The following CPEB4 variants were observed in gnomAD, a reference collection of about 807,000 sequenced individuals.
CPEB4 encodes cytoplasmic polyadenylation element binding protein 4.
CPEB4 carries 12 observed loss-of-function variants against 72.5 expected under a neutral mutation model. The observed-to-expected ratio is 0.17, with a 90% confidence interval of 0.11 to 0.27. The LOEUF (loss-of-function observed/expected upper bound fraction) is 0.27, where lower values mean the gene tolerates loss of function less well. CPEB4 is among the 10% of genes least tolerant of loss of function. The probability of loss-of-function intolerance (pLI) is 1.00; values close to 1 mark genes in which losing one functional copy is unlikely to be tolerated. For synonymous variants in CPEB4, 302 were observed against 326.3 expected (o/e 0.93, Z 0.80); for missense variants, 614 against 908.5 (o/e 0.68, Z 4.17).
At chr5:173,925,626 A>T (rs1307783967) in intron 2 of CPEB4, among the ~76,000 whole-genome samples, 2 of 152,220 alleles carry the variant, frequency 1.3e-5, no homozygotes, top group Non-Finnish European at 2.9e-5. Flanking sequence ...GATTTATTAC[A>T]CATTTCTTGA....
At chr5:173,907,683 T>G (rs1262383157) in intron 1 of CPEB4, among the ~76,000 whole-genome samples, 4 of 152,262 alleles carry the variant, frequency 2.6e-5, no homozygotes, top group Non-Finnish European at 4.4e-5. Context: ...TTGCATGCTT[T>G]CTACCTGCCA....
At chr5:173,896,123 A>G (rs1756000561) in intron 1 of CPEB4, among the ~76,000 whole-genome samples, 1 of 152,208 alleles carries the variant, frequency 6.6e-6, no homozygotes, top group Admixed American at 6.5e-5. Context: ...CTATTTTGCT[A>G]GGAGGAAAAT....
chr5:173,950,466 A>G lies in CPEB4; in HGVS notation c.1665+388A>G, dbSNP rs12515625. ...CTGAAAATACAAAAATTAGCCAGGC[A>G]TGGTGGCGCACATCTGTAGTCCCAG... On this transcript the variant is annotated intron_variant, in intron 7 of 9. Transcript: ENST00000265085. This position sits in a 1 kb window ranked among gnomAD's most constrained non-coding sequence, Gnocchi z 5.0. Among the ~76,000 whole-genome samples the G allele has an allele frequency of 0.64, 97,492 of 151,844 alleles. 32,268 individuals carry two copies. The highest frequency in any genetic ancestry group is 0.73 in the Non-Finnish European group (49,280 of 67,948).
intron 1 of CPEB4, among the ~76,000 whole-genome samples, chr5:173,909,789 G>A (rs56197583): frequency 0.22 from 33,742 of 151,720 alleles, 4,959 homozygotes; most frequent in Non-Finnish European, 0.31. Flanking sequence ...CTTTGAGGTC[G>A]GGAGTTCAAG....
Position 173,889,776 on chromosome 5 carries a change from G to A in CPEB4, c.43G>A (p.Gly15Arg). 6.2e-7 allele frequency: 1 copy of A among 1,613,262 alleles called. No homozygotes were observed. Among genetic ancestry groups the A allele is most frequent in the East Asian group, 2.2e-5 (1 of 44,886 alleles). ...GFGVLVQSNT[G>R]NKSAFPVRFH... ...TGGAGTGCTAGTGCAAAGCAATACTGGGAATAAATCTGCTTTTCCAGTCAG... is the reference window on the plus strand; with the variant it reads ...TGGAGTGCTAGTGCAAAGCAATACTAGGAATAAATCTGCTTTTCCAGTCAG... Residue 15 changes from glycine (G) to arginine (R), a missense_variant, in exon 1 of 10, where the codon GGG (glycine) becomes AGG (arginine). Transcript: ENST00000265085.
At position 173,890,361 on chromosome 5, in the gene CPEB4, T is replaced by A. The variant is rs1295628482; in HGVS notation, c.628T>A (p.Phe210Ile). 6.2e-7 allele frequency: 1 copy of A among 1,614,034 alleles called. No individual in the cohort carries two copies. ...ANNGALLFQN[F>I]PHHVSPGFGG... ...TAACGGTGCTCTGTTGTTTCAAAAT[T>A]TCCCCCATCATGTCAGCCCTGGCTT... is the stretch of plus-strand genomic sequence containing the variant. The change falls in exon 1 of 10, where the codon TTC becomes ATC. Residue 210 changes from phenylalanine (F) to isoleucine (I), a missense_variant. By Grantham distance (21) the Phe-to-Ile change is conservative. This residue lies in a region of CPEB4 where 458 missense variants were observed against 548.6 expected (regional missense o/e 0.83). Coordinates refer to ENST00000265085, the MANE Select transcript of CPEB4 (RefSeq NM_030627.4).
rs1400518139 is a variant in CPEB4, at chr5:173,900,037, C to T, written c.1125+9179C>T. Among the ~76,000 whole-genome samples, 1 of 151,996 alleles carries T rather than the reference C, an allele frequency of 6.6e-6. No homozygotes were observed. The highest frequency in any genetic ancestry group is 1.5e-5 in the Non-Finnish European group (1 of 68,016). ...AAATGTGGAGGCTGGGCACAAGCTGCCTTTTGAGATCACTGTCAAGGCTCA... is the reference window on the plus strand; with the variant it reads ...AAATGTGGAGGCTGGGCACAAGCTGTCTTTTGAGATCACTGTCAAGGCTCA... On this transcript the variant is annotated intron_variant, in intron 1 of 9. Transcript: ENST00000265085. The surrounding 1 kb of genome is among the most constrained non-coding windows in gnomAD (Gnocchi z 4.4).
At position 173,957,016 on chromosome 5, in the gene CPEB4, A is replaced by G. The variant is rs989371586; in HGVS notation, c.*879A>G. 6.5e-5 allele frequency: 10 copies of G among 152,686 alleles called. No homozygotes were observed. The highest frequency in any genetic ancestry group is 2.4e-4 in the African/African-American group (10 of 41,436). 9.5% of individuals were successfully genotyped at this position (152,686 alleles called of 1,614,324 possible). On this transcript the variant is annotated 3_prime_UTR_variant, in exon 10 of 10. Transcript: ENST00000265085. The stretch of plus-strand genomic sequence containing the variant: ...AATGACAACTGGTGGGAAACCTAGC[A>G]TTTCCTCTCCTGAAGAATAAATGTA...
chr5:173,953,206 A>G lies in CPEB4; in HGVS notation c.1896A>G (p.Gln632=), dbSNP rs1758268068. 3 of 1,613,660 alleles carry G rather than the reference A, an allele frequency of 1.9e-6. No individual in the cohort carries two copies. In the African/African-American group the frequency reaches 4.0e-5, roughly 22 times the overall value. Residue 632 remains glutamine, a synonymous_variant, in exon 9 of 10, where the codon CAA becomes CAG. Transcript: ENST00000265085. The stretch of plus-strand genomic sequence containing the variant: ...CTGGGAGAGTTGCGTTCTCTAATCA[A>G]CAGAGTTACATAGCTGCTATCAGTG... The part of the protein sequence containing the change: ...KGAGRVAFSN[Q]QSYIAAISAR...
At chr5:173,931,029 GT>G (rs1469993104) in intron 2 of CPEB4, among the ~76,000 whole-genome samples, 2 of 150,782 alleles carry the variant, frequency 1.3e-5, no homozygotes, top group Non-Finnish European at 3.0e-5. Flanking sequence ...AAATTATAAA[GT>G]TCAGAGTTTA....
chr5:173,908,522 A>G (rs1756526597), intron 1 of CPEB4, among the ~76,000 whole-genome samples: 1 of 152,228 alleles, frequency 6.6e-6, no homozygotes, highest in African/African-American at 2.4e-5. Flanking sequence ...CTCAAGTTGC[A>G]GTGGTATTAT....
intron 3 of CPEB4, among the ~76,000 whole-genome samples, chr5:173,938,659 G>A (rs1181491576): frequency 6.6e-6 from 1 of 152,152 alleles, no homozygotes; most frequent in East Asian, 1.9e-4. Context: ...AGGTAGATCA[G>A]CGTAACCCGA....
chr5:173,892,414 A>AT (rs974898465), intron 1 of CPEB4, among the ~76,000 whole-genome samples: 38 of 152,126 alleles, frequency 2.5e-4, no homozygotes, highest in African/African-American at 9.2e-4. Flanking sequence ...CATGAAGTCT[A>AT]TTTTTAAAAA....
chr5:173,895,911 GA>G (rs1755990358), intron 1 of CPEB4, among the ~76,000 whole-genome samples: 1 of 152,114 alleles, frequency 6.6e-6, no homozygotes, highest in South Asian at 2.1e-4. Context: ...CACCTTTCAG[GA>G]AAAACCTGTT....
Position 173,888,407 on chromosome 5 carries a change from A to AGGCGGTGGC in CPEB4, c.-1321_-1313dup, listed in dbSNP as rs911684364. The AGGCGGTGGC allele has an allele frequency of 8.9e-6, 4 of 451,712 alleles. No homozygotes were observed. The highest frequency in any genetic ancestry group is 4.1e-5 in the African/African-American group (2 of 48,740). The allele number at this position is 451,712 out of a possible 1,614,324, so 28.0% of individuals were successfully genotyped here. A position where few individuals can be genotyped will look rare whatever the true frequency, so the allele number is the denominator to read the frequency against. ...GCGGCTGCGGGACCCGGGCACCGGG[A>AGGCGGTGGC]GGCGGTGGCGGCGGCGGCGGCGGCA... On this transcript the variant is annotated 5_prime_UTR_variant, in exon 1 of 10. Transcript: ENST00000265085. This position sits in a 1 kb window ranked among gnomAD's most constrained non-coding sequence, Gnocchi z 4.3.
Position 173,959,581 on chromosome 5 carries a change from T to G in CPEB4, c.*3444T>G, listed in dbSNP as rs1758485542. ...GAAAGATCTTTGCAGTGTAATTCTT[T>G]GTTTTTAATTGCAGACATTTAAAAA... On this transcript the variant is annotated 3_prime_UTR_variant, in exon 10 of 10. Coordinates refer to ENST00000265085, the MANE Select transcript of CPEB4 (RefSeq NM_030627.4). 1 of 152,808 alleles carries G rather than the reference T, an allele frequency of 6.5e-6. No individual in the cohort carries two copies. The highest frequency in any genetic ancestry group is 1.5e-5 in the Non-Finnish European group (1 of 68,028). The allele number at this position is 152,808 out of a possible 1,614,324, so 9.5% of individuals were successfully genotyped here.
intron 1 of CPEB4, among the ~76,000 whole-genome samples, chr5:173,904,630 C>G (rs1301416797): frequency 6.6e-6 from 1 of 152,080 alleles, no homozygotes; most frequent in East Asian, 1.9e-4. Context: ...CTCCTTTATT[C>G]AAATGTATGT....
In CPEB4 at chr5:173,922,515, G is replaced by A. The variant is rs1352471726; in HGVS notation, c.1208-9935G>A. ...CAAAGTGCTGGGATTACAGACATGAGCCATCATGCCTGGCCAAGATTTCTT... is the reference window on the plus strand; with the variant it reads ...CAAAGTGCTGGGATTACAGACATGAACCATCATGCCTGGCCAAGATTTCTT... On this transcript the variant is annotated intron_variant, in intron 2 of 9. Coordinates refer to ENST00000265085, the MANE Select transcript of CPEB4 (RefSeq NM_030627.4). Among the ~76,000 whole-genome samples, 3 of 152,318 alleles carry A rather than the reference G, an allele frequency of 2.0e-5. No individual in the cohort carries two copies. In the East Asian group the frequency reaches 5.8e-4, roughly 29 times the overall value.
At chr5:173,952,287 T>C (rs1042256262) in intron 8 of CPEB4, among the ~76,000 whole-genome samples, 1 of 152,204 alleles carries the variant, frequency 6.6e-6, no homozygotes, top group Non-Finnish European at 1.5e-5. Context: ...ATTACGCTCA[T>C]CATTGTCTGA....
Sources: gnomAD v4.1 joint callset for allele counts (sites outside exome capture counted in the v4.1 genomes callset) on GRCh38, gnomAD v4.1.1 for gene constraint, gnomAD v4.1.1 regional missense constraint, Gnocchi (gnomAD v3.1) non-coding constraint, MANE v1.5 for transcripts, NCBI Gene and HGNC (gene_info 2026-07-23, HGNC 2026-07-21) for gene names.